RSBN1L: variants seen among roughly 807,000 people sequenced by gnomAD.
RSBN1L encodes the protein round spermatid basic protein 1 like, also known as lysine-specific demethylase RSBN1L.
In RSBN1L, 30 loss-of-function variants were observed where a neutral mutation model predicts 67.7. The observed-to-expected ratio is 0.44, with a 90% confidence interval of 0.33 to 0.60. RSBN1L has a LOEUF of 0.60. Ranked by LOEUF, RSBN1L falls within the 20% of genes least tolerant of loss-of-function variation. RSBN1L has a pLI of 0.02. For synonymous variants in RSBN1L, 433 were observed against 387.0 expected (o/e 1.12, Z -1.39); for missense variants, 992 against 1,031.7 (o/e 0.96, Z 0.53).
At chr7:77,762,791 C>T (rs1376199253) in intron 3 of RSBN1L, among the ~76,000 whole-genome samples, 2 of 152,100 alleles carry the variant, frequency 1.3e-5, no homozygotes, top group African/African-American at 4.8e-5. Context: ...ATTATATTAT[C>T]TCCTACTCTC....
chr7:77,762,414 A>G lies in RSBN1L; in HGVS notation c.1345-3081A>G, dbSNP rs933397368. The stretch of plus-strand genomic sequence containing the variant: ...ATTTATTCAGTCTATTATGTTAAAC[A>G]TTTTAATGTTTAGGTCTATACTAAT... On this transcript the variant is annotated intron_variant, in intron 3 of 7. Transcript: ENST00000334955. 6.6e-5 allele frequency among the ~76,000 whole-genome samples: 10 copies of G among 152,290 alleles called. No homozygotes were observed. The East Asian group carries it at 1.9e-3, about 29-fold the overall frequency.
chr7:77,752,002 A>G (rs1791562269), intron 3 of RSBN1L, among the ~76,000 whole-genome samples: 2 of 152,240 alleles, frequency 1.3e-5, no homozygotes, highest in Non-Finnish European at 2.9e-5. Flanking sequence ...GGTTTTTCAA[A>G]TAAGTTTAGG....
At chr7:77,775,770 T>G (rs1791905120) in intron 6 of RSBN1L, among the ~76,000 whole-genome samples, 1 of 152,176 alleles carries the variant, frequency 6.6e-6, no homozygotes, top group Admixed American at 6.5e-5. Context: ...AAAATGTGTA[T>G]TTTGGCTAGG....
In RSBN1L at chr7:77,696,478, A is replaced by G. The variant is rs1276582337; in HGVS notation, c.9A>G (p.Glu3=). Residue 3 remains glutamate, a synonymous_variant, in exon 1 of 8, where the codon GAA becomes GAG. Coordinates refer to ENST00000334955, the MANE Select transcript of RSBN1L (RefSeq NM_198467.3). MA[E]PPSPVHCVAA... ...TACAACAGGAGCGCAAAATGGCGGAACCGCCGAGCCCCGTGCACTGTGTCG... is the reference window on the plus strand; with the variant it reads ...TACAACAGGAGCGCAAAATGGCGGAGCCGCCGAGCCCCGTGCACTGTGTCG... The G allele has an allele frequency of 2.5e-6, 4 of 1,605,992 alleles. No individual in the cohort carries two copies. The highest frequency in any genetic ancestry group is 3.4e-6 in the Non-Finnish European group (4 of 1,175,734).
In RSBN1L at chr7:77,708,283, A is replaced by G. The variant is rs115814659; in HGVS notation, c.586+11228A>G. On this transcript the variant is annotated intron_variant, in intron 1 of 7. Transcript: ENST00000334955. ...GTGTGTTCGGTGGTGTGTGAAGAGA[A>G]CCACTGGCTAAGATTGATGCTTTTG... 5.2e-3 allele frequency among the ~76,000 whole-genome samples: 791 copies of G among 152,002 alleles called. 12 individuals carry two copies. The highest frequency in any genetic ancestry group is 0.018 in the African/African-American group (764 of 41,452).
At chr7:77,740,047 C>T (rs1337980565) in intron 2 of RSBN1L, among the ~76,000 whole-genome samples, 1 of 151,820 alleles carries the variant, frequency 6.6e-6, no homozygotes, top group African/African-American at 2.4e-5. Flanking sequence ...CCACTGCGTC[C>T]GGCCTGTCAA....
At chr7:77,721,479 A>G (rs1329964752) in intron 1 of RSBN1L, among the ~76,000 whole-genome samples, 1 of 152,196 alleles carries the variant, frequency 6.6e-6, no homozygotes, top group Non-Finnish European at 1.5e-5. Context: ...AATTCAAATT[A>G]TAGAAGAGGG....
chr7:77,752,380 C>T (rs1376492176), intron 3 of RSBN1L, among the ~76,000 whole-genome samples: 1 of 149,458 alleles, frequency 6.7e-6, no homozygotes, highest in Non-Finnish European at 1.5e-5. Flanking sequence ...ATGTGCAAGG[C>T]CCGTATTCCT....
At position 77,765,628 on chromosome 7, in the gene RSBN1L, T is replaced by C; in HGVS notation, c.1478T>C (p.Leu493Ser). ...FLDMLEESPF[L>S]KCTLPWGTLS... is the part of the protein sequence containing the mutation. ...GACATGTTGGAAGAGTCACCATTTT[T>C]AAAAGTAAGAGACAATCTGTCATGG... The change falls in exon 4 of 8, where the codon TTA becomes TCA. Residue 493 changes from leucine (L) to serine (S), a missense_variant. By Grantham distance (145) the Leu-to-Ser change is moderately radical (BLOSUM62 -2). Around this residue, in one of 7 missense-constraint regions of RSBN1L, gnomAD observed 67 missense variants for 130.5 expected, o/e 0.51. Coordinates refer to ENST00000334955, the MANE Select transcript of RSBN1L (RefSeq NM_198467.3). 1.3e-6 allele frequency: 2 copies of C among 1,591,618 alleles called. No individual in the cohort carries two copies. Among genetic ancestry groups the C allele is most frequent in the Non-Finnish European group, 1.7e-6 (2 of 1,168,226 alleles).
intron 6 of RSBN1L, among the ~76,000 whole-genome samples, chr7:77,776,877 T>C (rs961352170): frequency 7.9e-5 from 12 of 152,018 alleles, no homozygotes; most frequent in Admixed American, 5.9e-4. Flanking sequence ...TGTCTTTTAA[T>C]TGGAGTATTT....
chr7:77,725,948 C>CT (rs371255265), intron 1 of RSBN1L, among the ~76,000 whole-genome samples: 2,858 of 146,982 alleles, frequency 0.019, 38 homozygotes, highest in Middle Eastern at 0.073. Flanking sequence ...CTGTAACCTG[C>CT]TTTTTTTTTT....
At chr7:77,770,681 T>TA (rs1791836609) in intron 5 of RSBN1L, among the ~76,000 whole-genome samples, 1 of 151,822 alleles carries the variant, frequency 6.6e-6, no homozygotes, top group Non-Finnish European at 1.5e-5. Context: ...AACCTATCTC[T>TA]TAAAAAAAAA....
chr7:77,722,147 C>T (rs565302359), intron 1 of RSBN1L, among the ~76,000 whole-genome samples: 124 of 152,154 alleles, frequency 8.1e-4, no homozygotes, highest in Admixed American at 1.8e-3. Context: ...GGAAGGAGAA[C>T]TTGAACTTTT....
intron 3 of RSBN1L, among the ~76,000 whole-genome samples, chr7:77,751,604 C>G (rs891890019): frequency 6.6e-6 from 1 of 152,126 alleles, no homozygotes; most frequent in Non-Finnish European, 1.5e-5. Flanking sequence ...TGAGGTTACA[C>G]CTGAATATAA....
chr7:77,757,709 A>C lies in RSBN1L; in HGVS notation c.1344+7645A>C, dbSNP rs1791637679. On this transcript the variant is annotated intron_variant, in intron 3 of 7. Coordinates refer to ENST00000334955, the MANE Select transcript of RSBN1L (RefSeq NM_198467.3). Reference sequence around the variant, plus strand: ...GACCAGTTGGGTCTTGGGACACCTCACTTATATGGTTGGTGGTTGATGTAT... The same window carrying C: ...GACCAGTTGGGTCTTGGGACACCTCCCTTATATGGTTGGTGGTTGATGTAT... 2.0e-5 allele frequency among the ~76,000 whole-genome samples: 3 copies of C among 152,142 alleles called. No homozygotes were observed. In the South Asian group the frequency reaches 6.2e-4, roughly 32 times the overall value.
intron 1 of RSBN1L, among the ~76,000 whole-genome samples, chr7:77,726,894 G>A (rs748298876): frequency 6.1e-5 from 9 of 146,398 alleles, no homozygotes; most frequent in Non-Finnish European, 1.2e-4. Context: ...TGATTCTCCC[G>A]CCTTGGCCTC....
At chr7:77,766,315 C>T (rs973177300) in intron 4 of RSBN1L, among the ~76,000 whole-genome samples, 1 of 152,128 alleles carries the variant, frequency 6.6e-6, no homozygotes, top group Non-Finnish European at 1.5e-5. Flanking sequence ...CTCCCAAGTA[C>T]CTCGGATTAC....
chr7:77,740,985 CTTTTTTT>C (rs869081974), intron 2 of RSBN1L, among the ~76,000 whole-genome samples: 18 of 102,926 alleles, frequency 1.7e-4, no homozygotes, highest in African/African-American at 6.2e-4. Flanking sequence ...CTTTTCTTTT[CTTTTTTT>C]TTTTTTTTTT....
At chr7:77,699,977 A>G (rs1430278647) in intron 1 of RSBN1L, among the ~76,000 whole-genome samples, 1 of 151,972 alleles carries the variant, frequency 6.6e-6, no homozygotes, top group African/African-American at 2.4e-5. Context: ...TTGTATTTTT[A>G]GTAGAGAGGG....
Sources: allele counts gnomAD v4.1 joint callset (sites outside exome capture counted in the v4.1 genomes callset), GRCh38; gene constraint gnomAD v4.1.1; regional missense constraint gnomAD v4.1.1; transcripts MANE v1.5; gene names NCBI Gene and HGNC (gene_info 2026-07-23, HGNC 2026-07-21).